The following UGT1A8 variants were observed in gnomAD, a reference collection of about 807,000 sequenced individuals.
UGT1A8 encodes UDP-glucuronosyltransferase 1A8.
UGT1A8 carries 39 observed loss-of-function variants against 45.3 expected under a neutral mutation model. That is an observed-to-expected ratio of 0.86 (90% CI 0.67 to 1.12). The LOEUF (loss-of-function observed/expected upper bound fraction) is 1.12. UGT1A8 is among the 50% of genes most tolerant of loss of function. The pLI, the probability that UGT1A8 is intolerant of heterozygous loss-of-function variation, is 0.00. For synonymous variants in UGT1A8, 275 were observed against 249.2 expected (o/e 1.10, Z -0.97); for missense variants, 719 against 664.9 (o/e 1.08, Z -0.90).
chr2:233,636,724 A>G (rs1314591388), intron 1 of UGT1A8: 14 of 1,614,092 alleles, frequency 8.7e-6, no homozygotes, highest in Non-Finnish European at 1.1e-5. Flanking sequence ...GCAACTGGAA[A>G]GATCACTGAA....
At position 233,729,937 on chromosome 2, in the gene UGT1A8, C is replaced by A; in HGVS notation, c.856-37097C>A. The A allele has an allele frequency of 3.1e-6, 5 of 1,614,026 alleles. No individual in the cohort carries two copies. The Admixed American group carries it at 8.3e-5, about 27-fold the overall frequency. On this transcript the variant is annotated intron_variant, in intron 1 of 4. Coordinates refer to ENST00000373450, the MANE Select transcript of UGT1A8 (RefSeq NM_019076.5). ...GATGGACTACCCCAGGCCAATCATG[C>A]CCAACATGGTCTTCATTGGGGGCAT... is the stretch of plus-strand genomic sequence containing the variant.
In UGT1A8 at chr2:233,690,676, G is replaced by A. The variant is rs2075002634; in HGVS notation, c.855+72114G>A. The A allele has an allele frequency of 4.0e-6, 5 of 1,262,194 alleles. No individual in the cohort carries two copies. The Admixed American group carries it at 1.4e-4, about 34-fold the overall frequency. 78.2% of individuals were successfully genotyped at this position (1,262,194 alleles called of 1,614,324 possible). On this transcript the variant is annotated intron_variant, in intron 1 of 4. Coordinates refer to ENST00000373450, the MANE Select transcript of UGT1A8 (RefSeq NM_019076.5). ...ACAGCACCAACCAGGGCAGGCCTGG[G>A]TCTCCAGCGGAGCTACTCTTTAGGG...
At chr2:233,682,325 G>A in intron 1 of UGT1A8, 1 of 1,614,044 alleles carries the variant, frequency 6.2e-7, no homozygotes, top group Non-Finnish European at 8.5e-7. Flanking sequence ...TTTGTTTAAT[G>A]ACCGAAAATT....
chr2:233,627,620 C>T (rs369389617), intron 1 of UGT1A8, among the ~76,000 whole-genome samples: 8 of 139,946 alleles, frequency 5.7e-5, no homozygotes, highest in Non-Finnish European at 1.1e-4. Flanking sequence ...TTCCTTCCTT[C>T]CTTTCTTCCT....
At chr2:233,657,736 G>T (rs1304631562) in intron 1 of UGT1A8, among the ~76,000 whole-genome samples, 1 of 152,094 alleles carries the variant, frequency 6.6e-6, no homozygotes, top group Non-Finnish European at 1.5e-5. Context: ...ATTTTAATTT[G>T]ATTTTCCTAT....
intron 1 of UGT1A8, among the ~76,000 whole-genome samples, chr2:233,689,353 T>C (rs1181537537): frequency 6.6e-6 from 1 of 152,248 alleles, no homozygotes; most frequent in Non-Finnish European, 1.5e-5. Context: ...AAGGAAGGCA[T>C]TTATGTGCAG....
intron 1 of UGT1A8, among the ~76,000 whole-genome samples, chr2:233,763,811 C>G (rs980088030): frequency 3.3e-5 from 5 of 152,180 alleles, no homozygotes; most frequent in African/African-American, 1.2e-4. Context: ...CTCAAGAATT[C>G]CAAGATGTTC....
chr2:233,703,933 C>T (rs954391531), intron 1 of UGT1A8, among the ~76,000 whole-genome samples: 4 of 151,854 alleles, frequency 2.6e-5, no homozygotes, highest in Non-Finnish European at 5.9e-5. Context: ...TTCTGTTACC[C>T]AGACTGGAGT....
chr2:233,751,343 TTTTGA>T lies in UGT1A8; in HGVS notation c.856-15687_856-15683del, dbSNP rs1694706279. Among the ~76,000 whole-genome samples the T allele has an allele frequency of 2.0e-5, 3 of 150,848 alleles. No homozygotes were observed. In the South Asian group the frequency reaches 6.2e-4, roughly 31 times the overall value. ...ACCCCCATTGTGTCTTGGAAGTTAC[TTTTGA>T]TTTTACAGGCTCATGGGGGAAGGGA... On this transcript the variant is annotated intron_variant, in intron 1 of 4. Coordinates refer to ENST00000373450, the MANE Select transcript of UGT1A8 (RefSeq NM_019076.5).
chr2:233,721,385 T>G (rs1270224994), intron 1 of UGT1A8: 1 of 152,820 alleles, frequency 6.5e-6, no homozygotes, highest in Admixed American at 6.5e-5. Context: ...TTCACTCTCA[T>G]TTTTCTAGCT....
chr2:233,705,529 C>T lies in UGT1A8; in HGVS notation c.856-61505C>T, dbSNP rs369165092. Among the ~76,000 whole-genome samples, 3 of 152,250 alleles carry T rather than the reference C, an allele frequency of 2.0e-5. No homozygotes were observed. The South Asian group carries it at 6.2e-4, about 32-fold the overall frequency. On this transcript the variant is annotated intron_variant, in intron 1 of 4. Transcript: ENST00000373450. The stretch of plus-strand genomic sequence containing the variant: ...AGAATCAGGGTGGGGAGATTACCTT[C>T]AGCTGTGAAGAGCAGCTGGTGATAT...
At chr2:233,760,765 G>A (rs764212365) in intron 1 of UGT1A8, 4 of 1,614,012 alleles carry the variant, frequency 2.5e-6, no homozygotes, top group Non-Finnish European at 3.4e-6. Flanking sequence ...CAGCCCCATC[G>A]TGGCCCAGTA....
intron 1 of UGT1A8, chr2:233,718,636 G>T: frequency 6.8e-7 from 1 of 1,465,760 alleles, no homozygotes; most frequent in Non-Finnish European, 9.1e-7. Context: ...CTTTCCCAGG[G>T]TTGGGCCCAT....
chr2:233,698,964 G>A (rs996769646), intron 1 of UGT1A8, among the ~76,000 whole-genome samples: 3 of 152,212 alleles, frequency 2.0e-5, no homozygotes, highest in Non-Finnish European at 4.4e-5. Context: ...GGCCCTTGGG[G>A]AAGCCCTTTG....
intron 1 of UGT1A8, among the ~76,000 whole-genome samples, chr2:233,744,373 G>A (rs1353064237): frequency 6.6e-6 from 1 of 151,860 alleles, no homozygotes; most frequent in Non-Finnish European, 1.5e-5. Context: ...TAGGACTGCA[G>A]TTCTCCAACG....
In UGT1A8 at chr2:233,725,191, CAGAGGCAGAGGCAGAGGCAGAGGCAGA is replaced by C. The variant is rs1559370256; in HGVS notation, c.856-41842_856-41816del. 1.2e-4 allele frequency among the ~76,000 whole-genome samples: 9 copies of C among 75,260 alleles called. 2 individuals are homozygous for C. Among genetic ancestry groups the C allele is most frequent in the South Asian group, 1.2e-3 (2 of 1,722 alleles). 49.4% of individuals were successfully genotyped at this position (75,260 alleles called of 152,430 possible). A position where few individuals can be genotyped will look rare whatever the true frequency, so the allele number is the denominator to read the frequency against. On this transcript the variant is annotated intron_variant, in intron 1 of 4. Coordinates refer to ENST00000373450, the MANE Select transcript of UGT1A8 (RefSeq NM_019076.5). Reference sequence around the variant, plus strand: ...GGGAGACCGTGGGGAGAGGCAGAGGCAGAGGCAGAGGCAGAGGCAGAGGCAGAGGAGGCAGAGGCAGAGGAGGCAGAG... The same window carrying C: ...GGGAGACCGTGGGGAGAGGCAGAGGCGGAGGCAGAGGCAGAGGAGGCAGAG...
chr2:233,637,071 C>T (rs1204663917), intron 1 of UGT1A8: 6 of 1,613,860 alleles, frequency 3.7e-6, no homozygotes, highest in African/African-American at 1.3e-5. Context: ...GTGCACAGTG[C>T]CCTGCTCCTC....
intron 1 of UGT1A8, chr2:233,648,718 C>G: frequency 2.2e-6 from 1 of 449,820 alleles, no homozygotes. Context: ...CCCGCCTTGG[C>G]CTCCCAAAGT....
intron 1 of UGT1A8, among the ~76,000 whole-genome samples, chr2:233,739,420 AG>A (rs1432310727): frequency 3.3e-5 from 5 of 152,220 alleles, no homozygotes; most frequent in African/African-American, 1.2e-4. Flanking sequence ...GAAAGCAGCC[AG>A]GACGAGGGCT....
Sources: gnomAD v4.1 joint callset for allele counts (sites outside exome capture counted in the v4.1 genomes callset) on GRCh38, gnomAD v4.1.1 for gene constraint, MANE v1.5 for transcripts, NCBI Gene and HGNC (gene_info 2026-07-23, HGNC 2026-07-21) for gene names.